NRXN1: variants seen among roughly 807,000 people sequenced by gnomAD.
NRXN1 encodes neurexin-1.
A neutral mutation model predicts 150.9 loss-of-function variants in NRXN1; 39 were observed. The observed-to-expected ratio is 0.26, with a 90% CI of 0.20 to 0.34. NRXN1 has a LOEUF of 0.34. Ranked by LOEUF, NRXN1 falls within the 10% of genes least tolerant of loss-of-function variation. NRXN1 has a pLI of 1.00. For missense variants in NRXN1, 1,815 were observed against 1,949.9 expected (o/e 0.93, Z 1.30); for synonymous variants, 924 against 757.0 (o/e 1.22, Z -3.62).
intron 18 of NRXN1, among the ~76,000 whole-genome samples, chr2:50,184,969 C>T (rs540484724): frequency 1.9e-4 from 29 of 152,174 alleles, no homozygotes; most frequent in South Asian, 8.3e-4. Context: ...TTTAGCGCCA[C>T]GTAGGTGGCC....
chr2:50,841,301 T>G (rs984065505), intron 5 of NRXN1, among the ~76,000 whole-genome samples: 1 of 152,192 alleles, frequency 6.6e-6, no homozygotes, highest in Admixed American at 6.5e-5. Flanking sequence ...GTTGAAGGAA[T>G]TTGAAATTTC....
At chr2:50,469,091 T>A (rs533373552) in intron 16 of NRXN1, among the ~76,000 whole-genome samples, 6 of 151,594 alleles carry the variant, frequency 4.0e-5, no homozygotes, top group Non-Finnish European at 8.9e-5. Flanking sequence ...GTCTCCAGTA[T>A]AACAGCATCA....
intron 17 of NRXN1, among the ~76,000 whole-genome samples, chr2:50,274,783 T>TAA (rs144311072): frequency 0.071 from 10,757 of 150,932 alleles, 533 homozygotes; most frequent in Middle Eastern, 0.13. Flanking sequence ...TTCAACTACT[T>TAA]AAAAAAAAAC....
chr2:50,503,972 A>G (rs1042514346), intron 13 of NRXN1, among the ~76,000 whole-genome samples: 3 of 152,160 alleles, frequency 2.0e-5, no homozygotes, highest in Admixed American at 2.0e-4. Flanking sequence ...CCAAGAATGT[A>G]AAATATACAT....
intron 17 of NRXN1, among the ~76,000 whole-genome samples, chr2:50,350,635 C>G (rs1198291896): frequency 6.6e-6 from 1 of 152,040 alleles, no homozygotes; most frequent in Non-Finnish European, 1.5e-5. Context: ...CTTTGGAGAG[C>G]GATTTGTATA....
chr2:50,532,904 G>A (rs1282101925), intron 10 of NRXN1, among the ~76,000 whole-genome samples: 3 of 152,152 alleles, frequency 2.0e-5, no homozygotes, highest in Non-Finnish European at 4.4e-5. Context: ...AACTCAGGAT[G>A]CTACTTAATA....
chr2:50,457,799 T>G (rs2087726312), intron 17 of NRXN1, among the ~76,000 whole-genome samples: 1 of 152,076 alleles, frequency 6.6e-6, no homozygotes, highest in Admixed American at 6.6e-5. Context: ...CTCACTCCAG[T>G]TAATATGGCT....
At chr2:50,146,522 T>C (rs143602000) in intron 18 of NRXN1, among the ~76,000 whole-genome samples, 38 of 151,866 alleles carry the variant, frequency 2.5e-4, no homozygotes, top group Non-Finnish European at 4.9e-4. Flanking sequence ...CAGCAAATCA[T>C]CTGTTCCATT....
intron 21 of NRXN1, among the ~76,000 whole-genome samples, chr2:50,040,984 T>G (rs1690852429): frequency 6.6e-6 from 1 of 152,190 alleles, no homozygotes; most frequent in Non-Finnish European, 1.5e-5. Context: ...TCATTTACAT[T>G]AGGTATATCT....
intron 19 of NRXN1, among the ~76,000 whole-genome samples, chr2:50,083,055 G>A (rs11683303): frequency 2.6e-5 from 4 of 152,142 alleles, no homozygotes; most frequent in Non-Finnish European, 4.4e-5. Flanking sequence ...AGAATTGCCT[G>A]GACAATTATC....
intron 17 of NRXN1, among the ~76,000 whole-genome samples, chr2:50,352,021 G>A (rs1325520859): frequency 6.6e-6 from 1 of 152,010 alleles, no homozygotes; most frequent in Non-Finnish European, 1.5e-5. Context: ...TCTTGGAAAC[G>A]GGGTTCACAC....
Position 50,166,249 on chromosome 2 carries a change from C to T in NRXN1, c.3546+70540G>A, listed in dbSNP as rs929466679. ...TCCAAAATCTGAAACATTTCTGGTCCTAGGCATTTTGGATAGGAGTACTCA... is the reference window on the plus strand; with the variant it reads ...TCCAAAATCTGAAACATTTCTGGTCTTAGGCATTTTGGATAGGAGTACTCA... On this transcript the variant is annotated intron_variant, in intron 18 of 22. Transcript: ENST00000401669. Among the ~76,000 whole-genome samples the T allele has an allele frequency of 2.0e-5, 3 of 149,834 alleles. 1 individual carries two copies. The highest frequency in any genetic ancestry group is 7.4e-5 in the African/African-American group (3 of 40,548).
intron 17 of NRXN1, among the ~76,000 whole-genome samples, chr2:50,344,036 C>G (rs2077743419): frequency 6.6e-6 from 1 of 152,132 alleles, no homozygotes; most frequent in Non-Finnish European, 1.5e-5. Context: ...TCCTTTCACC[C>G]TCATCTATTA....
rs770295875 is a variant in NRXN1 at position 50,502,966 on chromosome 2, G to A, written c.2497+3529C>T. On this transcript the variant is annotated intron_variant, in intron 13 of 22. Coordinates refer to ENST00000401669, the MANE Select transcript of NRXN1 (RefSeq NM_001330078.2). ...AAATTAAATGGCTAATTCTAGGGGCGAAGTGTGGTAGACAAAAGTTGTACC... is the reference window on the plus strand; with the variant it reads ...AAATTAAATGGCTAATTCTAGGGGCAAAGTGTGGTAGACAAAAGTTGTACC... Among the ~76,000 whole-genome samples the A allele has an allele frequency of 4.6e-5, 7 of 152,192 alleles. No individual in the cohort carries two copies. The East Asian group carries it at 7.7e-4, about 17-fold the overall frequency.
intron 5 of NRXN1, among the ~76,000 whole-genome samples, chr2:50,822,453 A>G (rs1669873463): frequency 6.6e-6 from 1 of 152,160 alleles, no homozygotes; most frequent in Non-Finnish European, 1.5e-5. Context: ...ATTTTTCTGC[A>G]GAAAATACAC....
At chr2:50,294,512 G>T (rs1047146579) in intron 17 of NRXN1, among the ~76,000 whole-genome samples, 1 of 152,110 alleles carries the variant, frequency 6.6e-6, no homozygotes, top group Non-Finnish European at 1.5e-5. Context: ...CTGAAGACAG[G>T]TTGTATAAAA....
chr2:50,685,812 A>G (rs1360200474), intron 5 of NRXN1, among the ~76,000 whole-genome samples: 1 of 152,082 alleles, frequency 6.6e-6, no homozygotes, highest in East Asian at 1.9e-4. Context: ...TCAAACCCCA[A>G]TGTCTCATTT....
intron 17 of NRXN1, among the ~76,000 whole-genome samples, chr2:50,440,348 T>A (rs918001887): frequency 6.6e-6 from 1 of 152,098 alleles, no homozygotes; most frequent in African/African-American, 2.4e-5. Flanking sequence ...TACAACCACT[T>A]AATGTTTCAA....
chr2:50,982,757 T>C (rs534881241), intron 2 of NRXN1, among the ~76,000 whole-genome samples: 2 of 152,244 alleles, frequency 1.3e-5, no homozygotes, highest in African/African-American at 2.4e-5. Flanking sequence ...ATAGTTTGCA[T>C]GTCTAGTTGA....
Sources: allele counts gnomAD v4.1 joint callset (sites outside exome capture counted in the v4.1 genomes callset), GRCh38; gene constraint gnomAD v4.1.1; transcripts MANE v1.5; gene names NCBI Gene and HGNC (gene_info 2026-07-23, HGNC 2026-07-21).